Variants in NEBL observed in about 807,000 individuals in gnomAD.
NEBL encodes the protein LIM and SH3 protein 2.
NEBL carries 122 observed loss-of-function variants against 140.2 expected under a neutral mutation model. The observed-to-expected ratio is 0.87, with a 90% confidence interval of 0.75 to 1.01. NEBL has a LOEUF of 1.01. Among genes scored for constraint, NEBL ranks in the 50% least tolerant of loss-of-function variants. NEBL has a pLI of 0.00. For missense variants in NEBL, 1,365 were observed against 1,231.3 expected (o/e 1.11, Z -1.62); for synonymous variants, 436 against 398.9 (o/e 1.09, Z -1.11).
chr10:20,886,757 T>C (rs1479872830), intron 4 of NEBL, among the ~76,000 whole-genome samples: 1 of 152,184 alleles, frequency 6.6e-6, no homozygotes, highest in East Asian at 1.9e-4. Flanking sequence ...GGACAGCTCA[T>C]TGGGTTGTTT....
chr10:21,150,334 A>AT (rs1840090675), intron 2 of NEBL, among the ~76,000 whole-genome samples: 1 of 152,228 alleles, frequency 6.6e-6, no homozygotes, highest in African/African-American at 2.4e-5. Context: ...AGCTGCTACC[A>AT]TAAAATTTAA....
chr10:21,047,642 A>G (rs1379403675), intron 2 of NEBL, among the ~76,000 whole-genome samples: 2 of 147,914 alleles, frequency 1.4e-5, no homozygotes, highest in African/African-American at 2.7e-5. Flanking sequence ...GCATTGACCA[A>G]AAAAATGTGC....
intron 3 of NEBL, among the ~76,000 whole-genome samples, chr10:21,247,391 C>T (rs916368225): frequency 2.0e-5 from 3 of 152,148 alleles, no homozygotes; most frequent in African/African-American, 7.2e-5. Flanking sequence ...ACTTGACATT[C>T]GCTAGAAGAC....
At chr10:20,911,395 C>T (rs1848327046) in intron 4 of NEBL, among the ~76,000 whole-genome samples, 2 of 152,142 alleles carry the variant, frequency 1.3e-5, no homozygotes, top group Admixed American at 1.3e-4. Context: ...CCGTTGTGAG[C>T]ATTCAACACT....
At chr10:21,130,364 G>A (rs1839045784) in intron 2 of NEBL, among the ~76,000 whole-genome samples, 3 of 152,006 alleles carry the variant, frequency 2.0e-5, no homozygotes, top group Admixed American at 6.6e-5. Flanking sequence ...AAATCAGCAA[G>A]GACATAGTTG....
intron 1 of NEBL, among the ~76,000 whole-genome samples, chr10:21,284,934 T>A (rs538711199): frequency 6.6e-6 from 1 of 152,256 alleles, no homozygotes; most frequent in African/African-American, 2.4e-5. Flanking sequence ...CATGGTGGTT[T>A]GTGCCTGTAA....
At chr10:20,900,857 A>G (rs1847839804), upstream of NEBL, among the ~76,000 whole-genome samples, 1 of 149,914 alleles carries the variant, frequency 6.7e-6, no homozygotes, top group Non-Finnish European at 1.5e-5. Flanking sequence ...AAAAAAAAGA[A>G]AAAAGAAAAA....
intron 2 of NEBL, among the ~76,000 whole-genome samples, chr10:21,153,189 C>A (rs1840208202): frequency 6.6e-6 from 1 of 151,646 alleles, no homozygotes; most frequent in Non-Finnish European, 1.5e-5. Flanking sequence ...AATATTATCT[C>A]CCATTTCACA....
intron 1 of NEBL, among the ~76,000 whole-genome samples, chr10:21,272,117 A>C (rs1004451995): frequency 9.9e-6 from 1 of 100,636 alleles, no homozygotes; most frequent in Non-Finnish European, 1.8e-5. Flanking sequence ...ACACTTGGTT[A>C]ATTTTTTTTT....
At chr10:21,062,371 T>C (rs958440425) in intron 2 of NEBL, among the ~76,000 whole-genome samples, 2 of 152,030 alleles carry the variant, frequency 1.3e-5, no homozygotes, top group Non-Finnish European at 2.9e-5. Flanking sequence ...GTTAGAGAAC[T>C]CTGTTCCTGG....
At chr10:20,846,253 G>C (rs1251292422) in intron 11 of NEBL, among the ~76,000 whole-genome samples, 1 of 152,076 alleles carries the variant, frequency 6.6e-6, no homozygotes, top group Non-Finnish European at 1.5e-5. Context: ...GATTTTACCA[G>C]CCAAATATTT....
intron 3 of NEBL, among the ~76,000 whole-genome samples, chr10:20,996,332 G>C (rs917507997): frequency 6.6e-6 from 1 of 152,164 alleles, no homozygotes; most frequent in African/African-American, 2.4e-5. Flanking sequence ...ACTCCCAAAT[G>C]TAAGAATAAC....
intron 18 of NEBL, among the ~76,000 whole-genome samples, chr10:20,825,463 C>T (rs1839754101): frequency 1.3e-5 from 2 of 151,884 alleles, no homozygotes; most frequent in South Asian, 4.2e-4. Context: ...TTGAGACCAG[C>T]CTGGCCGACA....
chr10:21,266,539 C>T (rs1303696211), intron 1 of NEBL, among the ~76,000 whole-genome samples: 2 of 152,208 alleles, frequency 1.3e-5, no homozygotes, highest in East Asian at 3.8e-4. Context: ...GCCCCAATTC[C>T]CCACACCCAC....
In NEBL at chr10:21,185,958, G is replaced by T. The variant is rs1589320314; in HGVS notation, n.349-13481C>A. Among the ~76,000 whole-genome samples, 5 of 152,206 alleles carry T rather than the reference G, an allele frequency of 3.3e-5. 1 individual carries two copies. In the South Asian group the frequency reaches 1.0e-3, roughly 32 times the overall value. The stretch of plus-strand genomic sequence containing the variant: ...GGATTTCAGTTATATTCCTGCTGCT[G>T]CTTGAATTCCAGAGAAGCTCACTAA... On this transcript the variant is annotated intron_variant and non_coding_transcript_variant, in intron 3 of 8. Coordinates refer to the NEBL transcript ENST00000675702.
intron 2 of NEBL, among the ~76,000 whole-genome samples, chr10:21,058,440 A>G (rs990224889): frequency 7.2e-5 from 11 of 152,248 alleles, no homozygotes; most frequent in African/African-American, 2.7e-4. Flanking sequence ...TCAATTTCTT[A>G]TAAATATAAG....
At position 21,142,654 on chromosome 10, in the gene NEBL, A is replaced by G. The variant is rs531834563; in HGVS notation, c.164+29729T>C. On this transcript the variant is annotated intron_variant, in intron 2 of 6. Transcript: ENST00000417816. The stretch of plus-strand genomic sequence containing the variant: ...CTCCATGCCTGAAAACAGGAGATAG[A>G]CTATATCAGGGGCCCCCAACCCCCA... 5.9e-5 allele frequency among the ~76,000 whole-genome samples: 9 copies of G among 152,312 alleles called. No homozygotes were observed. In the South Asian group the frequency reaches 1.9e-3, roughly 32 times the overall value.
At chr10:21,028,629 T>C (rs191984597) in intron 2 of NEBL, among the ~76,000 whole-genome samples, 54 of 152,354 alleles carry the variant, frequency 3.5e-4, no homozygotes, top group Admixed American at 1.6e-3. Context: ...TAGAATATTA[T>C]TGAATTTTAG....
chr10:20,968,840 G>A (rs1398786960), intron 3 of NEBL, among the ~76,000 whole-genome samples: 1 of 152,112 alleles, frequency 6.6e-6, no homozygotes, highest in Non-Finnish European at 1.5e-5. Context: ...GGTGAGGGTC[G>A]CAATATTTTA....
Sources: gnomAD v4.1 joint callset for allele counts (sites outside exome capture counted in the v4.1 genomes callset) on GRCh38, gnomAD v4.1.1 for gene constraint, MANE v1.5 for transcripts, NCBI Gene and HGNC (gene_info 2026-07-23, HGNC 2026-07-21) for gene names.